The following TMEM107 variants were observed in gnomAD, a reference collection of about 807,000 sequenced individuals.
The protein encoded by TMEM107 is transmembrane protein 107.
Under a neutral mutation model 16.8 loss-of-function variants are expected in TMEM107, and 18 were observed. The ratio of observed to expected loss-of-function variants is 1.07; its 90% CI spans 0.74 to 1.59. TMEM107 has a LOEUF of 1.59. TMEM107 is among the 40% of genes most tolerant of loss of function. The probability of loss-of-function intolerance (pLI) is 0.00; values close to 1 mark genes in which losing one functional copy is unlikely to be tolerated. For missense variants in TMEM107, 152 were observed against 175.4 expected (o/e 0.87, Z 0.75); for synonymous variants, 68 against 71.6 (o/e 0.95, Z 0.25).
At chr17:8,174,475 G>A (rs766932332) in intron 4 of TMEM107, 45 bp downstream of exon 4, 2 of 1,585,602 alleles carry the variant, frequency 1.3e-6, no homozygotes, top group South Asian at 2.2e-5. Flanking sequence ...TCAGGTTTAG[G>A]GCCAACCTTC....
chr17:8,173,625 A>G lies in TMEM107; in HGVS notation c.*578T>C. The G allele has an allele frequency of 1.3e-6, 1 of 748,230 alleles. No homozygotes were observed. Among genetic ancestry groups the G allele is most frequent in the Non-Finnish European group, 2.5e-6 (1 of 406,192 alleles). 46.3% of individuals were successfully genotyped at this position (748,230 alleles called of 1,614,324 possible). On this transcript the variant is annotated 3_prime_UTR_variant, in exon 5 of 5. Transcript: ENST00000437139. The stretch of plus-strand genomic sequence containing the variant: ...GCCGACATTCTGCACTCAGTGAAAA[A>G]GATTCCGTTACAAGCTAGGGTGAGT...
Position 8,173,550 on chromosome 17 carries a change from C to CG in TMEM107, c.*652_*653insC, listed in dbSNP as rs146107438. 2.6e-6 allele frequency: 2 copies of CG among 765,358 alleles called. No homozygotes were observed. Among genetic ancestry groups the CG allele is most frequent in the South Asian group, 1.3e-5 (1 of 74,616 alleles). The allele number at this position is 765,358 out of a possible 1,614,324, so 47.4% of individuals were successfully genotyped here. A position where few individuals can be genotyped will look rare whatever the true frequency, so the allele number is the denominator to read the frequency against. On this transcript the variant is annotated 3_prime_UTR_variant, in exon 5 of 5. Coordinates refer to ENST00000437139, the MANE Select transcript of TMEM107 (RefSeq NM_183065.4). ...CAATCATCATGTTCTAATCTGCCCT[C>CG]CGGAGGAGGAACAGGTAAGGATTAT...
chr17:8,175,665 T>G (rs576220746), intron 3 of TMEM107, 92 bp downstream of exon 3: 2 of 1,048,214 alleles, frequency 1.9e-6, no homozygotes, highest in Admixed American at 1.7e-5. Flanking sequence ...ACTGGAAGGA[T>G]TGGCTACAGC....
In TMEM107 at chr17:8,176,139, T is replaced by G. The variant is rs760549584; in HGVS notation, c.87+61A>C. The G allele has an allele frequency of 1.1e-5, 18 of 1,599,806 alleles. No individual in the cohort carries two copies. In the South Asian group the frequency reaches 2.0e-4, roughly 18 times the overall value. ...GGTAAGACACTGGGAGGGGGCAGGG[T>G]AGGACTAGGACCACTCAGAGATGGG... is the stretch of plus-strand genomic sequence containing the variant. On this transcript the variant is annotated intron_variant, in intron 1 of 4. Transcript: ENST00000437139.
chr17:8,173,228 A>G lies in TMEM107; in HGVS notation c.*975T>C, dbSNP rs1341239333. On this transcript the variant is annotated 3_prime_UTR_variant, in exon 5 of 5. Coordinates refer to ENST00000437139, the MANE Select transcript of TMEM107 (RefSeq NM_183065.4). ...TAAAGTTATCAAACGACAAAAAACA[A>G]AGAGCCCATTTGTATTATTTCACTG... 3 of 457,310 alleles carry G rather than the reference A, an allele frequency of 6.6e-6. No homozygotes were observed. The highest frequency in any genetic ancestry group is 1.2e-5 in the Non-Finnish European group (3 of 253,468). 28.3% of individuals were successfully genotyped at this position (457,310 alleles called of 1,614,324 possible).
intron 3 of TMEM107, 117 bp from the exon 4 acceptor site, chr17:8,174,733 G>A: frequency 1.2e-6 from 1 of 867,140 alleles, no homozygotes; most frequent in Non-Finnish European, 1.9e-6. Context: ...CCCTCACCAT[G>A]TTTCAAGGGC....
Position 8,173,374 on chromosome 17 carries a change from A to C in TMEM107, c.*829T>G, listed in dbSNP as rs867849496. 9 of 670,798 alleles carry C rather than the reference A, an allele frequency of 1.3e-5. No individual in the cohort carries two copies. Among genetic ancestry groups the C allele is most frequent in the Non-Finnish European group, 2.2e-5 (8 of 362,664 alleles). 41.6% of individuals were successfully genotyped at this position (670,798 alleles called of 1,614,324 possible). On this transcript the variant is annotated 3_prime_UTR_variant, in exon 5 of 5. Transcript: ENST00000437139. ...TGCAAAATAGACAAACAGCAAGGTTATCCCAGTCAGAACTTCATAGCTATG... is the reference window on the plus strand; with the variant it reads ...TGCAAAATAGACAAACAGCAAGGTTCTCCCAGTCAGAACTTCATAGCTATG...
At chr17:8,174,789 GGA>G (rs1983992296) in intron 3 of TMEM107, 173 bp from the exon 4 acceptor site, 1 of 635,838 alleles carries the variant, frequency 1.6e-6, no homozygotes, top group African/African-American at 1.8e-5. Flanking sequence ...AGTCATGTGA[GGA>G]GAGACCAGAA....
At position 8,173,230 on chromosome 17, in the gene TMEM107, G is replaced by C. The variant is rs1004222201; in HGVS notation, c.*973C>G. Reference sequence around the variant, plus strand: ...AAGTTATCAAACGACAAAAAACAAAGAGCCCATTTGTATTATTTCACTGCC... The same window carrying C: ...AAGTTATCAAACGACAAAAAACAAACAGCCCATTTGTATTATTTCACTGCC... On this transcript the variant is annotated 3_prime_UTR_variant, in exon 5 of 5. Transcript: ENST00000437139. 49 of 457,028 alleles carry C rather than the reference G, an allele frequency of 1.1e-4. No individual in the cohort carries two copies. In the Admixed American group the frequency reaches 1.1e-3, roughly 10 times the overall value. The allele number at this position is 457,028 out of a possible 1,614,324, so 28.3% of individuals were successfully genotyped here. A position where few individuals can be genotyped will look rare whatever the true frequency, so the allele number is the denominator to read the frequency against.
At position 8,173,209 on chromosome 17, in the gene TMEM107, T is replaced by C. The variant is rs1983694842; in HGVS notation, c.*994A>G. ...TTTCCTGAGAAGTGAGGATTAAAGT[T>C]ATCAAACGACAAAAAACAAAGAGCC... On this transcript the variant is annotated 3_prime_UTR_variant, in exon 5 of 5. Coordinates refer to ENST00000437139, the MANE Select transcript of TMEM107 (RefSeq NM_183065.4). 2.4e-6 allele frequency: 1 copy of C among 419,654 alleles called. No individual in the cohort carries two copies. The highest frequency in any genetic ancestry group is 2.9e-5 in the South Asian group (1 of 34,076). 26.0% of individuals were successfully genotyped at this position (419,654 alleles called of 1,614,324 possible).
In TMEM107 at chr17:8,173,687, CG is replaced by C. The variant is rs780432397; in HGVS notation, c.*515del. On this transcript the variant is annotated 3_prime_UTR_variant, in exon 5 of 5. Coordinates refer to ENST00000437139, the MANE Select transcript of TMEM107 (RefSeq NM_183065.4). ...TGGTATGAGCAATCCTATTATTTAGCGTCCTTCCAGTTGTTTTGCCATATTA... is the reference window on the plus strand; with the variant it reads ...TGGTATGAGCAATCCTATTATTTAGCTCCTTCCAGTTGTTTTGCCATATTA... 1 of 626,918 alleles carries C rather than the reference CG, an allele frequency of 1.6e-6. No homozygotes were observed. Among genetic ancestry groups the C allele is most frequent in the Non-Finnish European group, 2.9e-6 (1 of 347,368 alleles). The allele number at this position is 626,918 out of a possible 1,614,324, so 38.8% of individuals were successfully genotyped here.
rs1409719589 is a variant in TMEM107, at chr17:8,173,500, A to G, written c.*703T>C. 6 of 765,192 alleles carry G rather than the reference A, an allele frequency of 7.8e-6. No homozygotes were observed. Among genetic ancestry groups the G allele is most frequent in the African/African-American group, 3.4e-5 (2 of 59,144 alleles). The allele number at this position is 765,192 out of a possible 1,614,324, so 47.4% of individuals were successfully genotyped here. Reference sequence around the variant, plus strand: ...TGTTGCAAGTCCTGATTACGCAGAGACGTTAATCACGTTTCATGCATCTCC... The same window carrying G: ...TGTTGCAAGTCCTGATTACGCAGAGGCGTTAATCACGTTTCATGCATCTCC... On this transcript the variant is annotated 3_prime_UTR_variant, in exon 5 of 5. Transcript: ENST00000437139.
Position 8,173,354 on chromosome 17 carries a change from A to C in TMEM107, c.*849T>G. Reference sequence around the variant, plus strand: ...ACAAACAGCAATAGCAAGACTGCAAAATAGACAAACAGCAAGGTTATCCCA... The same window carrying C: ...ACAAACAGCAATAGCAAGACTGCAACATAGACAAACAGCAAGGTTATCCCA... On this transcript the variant is annotated 3_prime_UTR_variant, in exon 5 of 5. Transcript: ENST00000437139. 1.6e-6 allele frequency: 1 copy of C among 613,084 alleles called. No homozygotes were observed. Among genetic ancestry groups the C allele is most frequent in the South Asian group, 2.0e-5 (1 of 49,572 alleles). The allele number at this position is 613,084 out of a possible 1,614,324, so 38.0% of individuals were successfully genotyped here.
rs1409719589 is a variant in TMEM107 at position 8,173,500 on chromosome 17, A to C, written c.*703T>G. ...TGTTGCAAGTCCTGATTACGCAGAG[A>C]CGTTAATCACGTTTCATGCATCTCC... On this transcript the variant is annotated 3_prime_UTR_variant, in exon 5 of 5. Coordinates refer to ENST00000437139, the MANE Select transcript of TMEM107 (RefSeq NM_183065.4). 3 of 765,192 alleles carry C rather than the reference A, an allele frequency of 3.9e-6. No homozygotes were observed. Among genetic ancestry groups the C allele is most frequent in the African/African-American group, 1.7e-5 (1 of 59,144 alleles). The allele number at this position is 765,192 out of a possible 1,614,324, so 47.4% of individuals were successfully genotyped here. A position where few individuals can be genotyped will look rare whatever the true frequency, so the allele number is the denominator to read the frequency against.
rs552965748 is a variant in TMEM107, at chr17:8,173,390, C to T, written c.*813G>A. 23 of 701,852 alleles carry T rather than the reference C, an allele frequency of 3.3e-5. No homozygotes were observed. Among genetic ancestry groups the T allele is most frequent in the Middle Eastern group, 3.8e-4 (1 of 2,626 alleles). The allele number at this position is 701,852 out of a possible 1,614,324, so 43.5% of individuals were successfully genotyped here. On this transcript the variant is annotated 3_prime_UTR_variant, in exon 5 of 5. Transcript: ENST00000437139. ...AGCAAGGTTATCCCAGTCAGAACTT[C>T]ATAGCTATGTTTGTGGATATCTGCT...
Position 8,173,304 on chromosome 17 carries a change from C to T in TMEM107, c.*899G>A, listed in dbSNP as rs1463728910. 3 of 530,064 alleles carry T rather than the reference C, an allele frequency of 5.7e-6. No homozygotes were observed. The East Asian group carries it at 8.7e-5, about 15-fold the overall frequency. 32.8% of individuals were successfully genotyped at this position (530,064 alleles called of 1,614,324 possible). On this transcript the variant is annotated 3_prime_UTR_variant, in exon 5 of 5. Coordinates refer to ENST00000437139, the MANE Select transcript of TMEM107 (RefSeq NM_183065.4). ...CCAAATCACAATTTTCAAGAACAAA[C>T]AAATTTAGCAAGACTGCAAAATAGA...
rs999498951 is a variant in TMEM107, at chr17:8,172,681, T to C, written c.*1522A>G. 1.3e-5 allele frequency among the ~76,000 whole-genome samples: 2 copies of C among 151,424 alleles called. No homozygotes were observed. The highest frequency in any genetic ancestry group is 1.3e-4 in the Admixed American group (2 of 15,188). ...GCTTGGGCAACACAGTGAGACCCTGTCTCTATAGAAAAATTTTAAAACAAC... is the reference window on the plus strand; with the variant it reads ...GCTTGGGCAACACAGTGAGACCCTGCCTCTATAGAAAAATTTTAAAACAAC... On this transcript the variant is annotated 3_prime_UTR_variant, in exon 5 of 5. Transcript: ENST00000437139.
At chr17:8,175,696 G>T in intron 3 of TMEM107, 61 bp downstream of exon 3, 1 of 1,322,014 alleles carries the variant, frequency 7.6e-7, no homozygotes, top group Non-Finnish European at 1.1e-6. Flanking sequence ...GTGTCAGGTG[G>T]CTGAAGGGAG....
rs531163907 is a variant in TMEM107 at position 8,173,425 on chromosome 17, AAC to A, written c.*776_*777del. ...TTTGTGGATATCTGCTAATCAGCAT[AAC>A]ACAAATGTAAGTGATCGTCAGAAAG... On this transcript the variant is annotated 3_prime_UTR_variant, in exon 5 of 5. Coordinates refer to ENST00000437139, the MANE Select transcript of TMEM107 (RefSeq NM_183065.4). 2.7e-3 allele frequency: 2,036 copies of A among 757,358 alleles called. 54 individuals carry two copies. The Admixed American group carries it at 0.033, about 12-fold the overall frequency. The allele number at this position is 757,358 out of a possible 1,614,324, so 46.9% of individuals were successfully genotyped here. A position where few individuals can be genotyped will look rare whatever the true frequency, so the allele number is the denominator to read the frequency against.
Sources: allele counts gnomAD v4.1 joint callset (sites outside exome capture counted in the v4.1 genomes callset), GRCh38; gene constraint gnomAD v4.1.1; transcripts MANE v1.5; gene names NCBI Gene and HGNC (gene_info 2026-07-23, HGNC 2026-07-21).